Variants in TMEM214 observed in about 807,000 individuals in gnomAD.
TMEM214 encodes transmembrane protein 214.
Under a neutral mutation model 89.8 loss-of-function variants are expected in TMEM214, and 71 were observed. That is an observed-to-expected ratio of 0.79 (90% CI 0.65 to 0.96). The LOEUF is 0.96. Among genes scored for constraint, TMEM214 ranks in the 40% least tolerant of loss-of-function variants. The probability of loss-of-function intolerance (pLI) is 0.00; values close to 1 mark genes in which losing one functional copy is unlikely to be tolerated. For synonymous variants in TMEM214, 332 were observed against 349.5 expected (o/e 0.95, Z 0.56); for missense variants, 754 against 843.4 (o/e 0.89, Z 1.31).
At chr2:27,034,598 CCT>C (rs1667464350) in intron 2 of TMEM214, 2 of 245,714 alleles carry the variant, frequency 8.1e-6, no homozygotes, top group Non-Finnish European at 7.7e-6. Flanking sequence ...CCTCTGTTTT[CCT>C]CTTTTTTTTT....
chr2:27,038,181 C>G lies in TMEM214; in HGVS notation c.1188C>G (p.Asp396Glu), dbSNP rs1223375701. 6.2e-7 allele frequency: 1 copy of G among 1,614,190 alleles called. No homozygotes were observed. ...GCCTGACTGAGTGCCTGACGGTGGA[C>G]CCCCTCAGTGCCAGCGTCTGGAGGC... ...LSSLTECLTV[D>E]PLSASVWRQL... The change falls in exon 10 of 17, where the codon GAC (aspartate) becomes GAG (glutamate). Residue 396 changes from aspartate to glutamate, a missense_variant. Coordinates refer to ENST00000238788, the MANE Select transcript of TMEM214 (RefSeq NM_017727.5). The surrounding 1 kb of genome is among the most constrained non-coding windows in gnomAD (Gnocchi z 4.4).
rs1255219338 is a variant in TMEM214 at position 27,038,491 on chromosome 2, C to T, written c.1252C>T (p.Leu418=). 7 of 1,613,966 alleles carry T rather than the reference C, an allele frequency of 4.3e-6. No individual in the cohort carries two copies. In the African/African-American group the frequency reaches 9.3e-5, roughly 22 times the overall value. The change falls in exon 11 of 17, where the codon CTG becomes TTG. Residue 418 remains leucine, a synonymous_variant. Transcript: ENST00000238788. This position sits in a 1 kb window ranked among gnomAD's most constrained non-coding sequence, Gnocchi z 4.4. The stretch of plus-strand genomic sequence containing the variant: ...GTTGTGCTTTCCCCACAGCCTTCTG[C>T]TGGAGCACTTGCTCAGCTCCTGGGA... ...PKHLSQSSLL[L]EHLLSSWEQI... is the part of the protein sequence containing the mutation.
chr2:27,039,996 C>A (rs1402094253), intron 14 of TMEM214, 34 bp from the exon 15 acceptor site: 1 of 1,596,624 alleles, frequency 6.3e-7, no homozygotes, highest in East Asian at 2.2e-5. Context: ...TGAGGAGACT[C>A]AGAGCCCTCT....
At position 27,038,500 on chromosome 2, in the gene TMEM214, T is replaced by C; in HGVS notation, c.1261T>C (p.Leu421=). ...LSQSSLLLEH[L]LSSWEQIPKK... is the part of the protein sequence containing the mutation. ...TCCCCACAGCCTTCTGCTGGAGCAC[T>C]TGCTCAGCTCCTGGGAGCAGATTCC... The change falls in exon 11 of 17, where the codon TTG becomes CTG. Residue 421 remains leucine, a synonymous_variant. Transcript: ENST00000238788. This position sits in a 1 kb window ranked among gnomAD's most constrained non-coding sequence, Gnocchi z 4.4. 6.2e-7 allele frequency: 1 copy of C among 1,614,096 alleles called. No individual in the cohort carries two copies. Among genetic ancestry groups the C allele is most frequent in the Non-Finnish European group, 8.5e-7 (1 of 1,179,996 alleles).
Position 27,038,452 on chromosome 2 carries a change from C to T in TMEM214, c.1245-32C>T. The T allele has an allele frequency of 6.2e-7, 1 of 1,613,252 alleles. No individual in the cohort carries two copies. The highest frequency in any genetic ancestry group is 1.7e-5 in the Admixed American group (1 of 60,030). On this transcript the variant is annotated intron_variant, in intron 10 of 16. Transcript: ENST00000238788. This position sits in a 1 kb window ranked among gnomAD's most constrained non-coding sequence, Gnocchi z 4.4. ...GGAGGATGGGTGAGGCTGCGCGAGC[C>T]ACCTGACTAGGGGGTTGTGCTTTCC...
At chr2:27,039,024 G>A in intron 12 of TMEM214, 23 bp from the exon 13 acceptor site, 3 of 1,610,962 alleles carry the variant, frequency 1.9e-6, no homozygotes, top group South Asian at 2.2e-5. Flanking sequence ...TCTGACAACT[G>A]TCTCCTGCTC....
rs998177542 is a variant in TMEM214, at chr2:27,038,589, T to C, written c.1293+57T>C. On this transcript the variant is annotated intron_variant, in intron 11 of 16. Coordinates refer to ENST00000238788, the MANE Select transcript of TMEM214 (RefSeq NM_017727.5). This position sits in a 1 kb window ranked among gnomAD's most constrained non-coding sequence, Gnocchi z 4.4. ...CCCTGTCTGGATTCTAGGTTCTGAG[T>C]GGGGGCTCCTCAGCCACTGTCCCTT... The C allele has an allele frequency of 1.9e-6, 3 of 1,610,246 alleles. No individual in the cohort carries two copies. The highest frequency in any genetic ancestry group is 2.7e-5 in the African/African-American group (2 of 74,822).
Position 27,040,884 on chromosome 2 carries a change from G to C in TMEM214, c.*47G>C. 6.3e-7 allele frequency: 1 copy of C among 1,595,290 alleles called. No individual in the cohort carries two copies. The highest frequency in any genetic ancestry group is 2.3e-5 in the East Asian group (1 of 44,310). On this transcript the variant is annotated 3_prime_UTR_variant, in exon 17 of 17. Coordinates refer to ENST00000238788, the MANE Select transcript of TMEM214 (RefSeq NM_017727.5). Reference sequence around the variant, plus strand: ...ATTTCTGCATGGGTAGACCATCCAAGACTGCAGCGGGTAGAAGGTGGCAGT... The same window carrying C: ...ATTTCTGCATGGGTAGACCATCCAACACTGCAGCGGGTAGAAGGTGGCAGT...
At chr2:27,036,232 A>G (rs1667552096) in intron 5 of TMEM214, among the ~76,000 whole-genome samples, 180 bp downstream of exon 5, 1 of 152,228 alleles carries the variant, frequency 6.6e-6, no homozygotes, top group African/African-American at 2.4e-5. Flanking sequence ...AGGTACTGCT[A>G]TTATTTCCCA....
At chr2:27,035,365 A>C in intron 3 of TMEM214, 80 bp downstream of exon 3, 1 of 1,569,436 alleles carries the variant, frequency 6.4e-7, no homozygotes, top group Non-Finnish European at 8.7e-7. Flanking sequence ...CCAGTGCCCC[A>C]CACTGTCCTG....
rs1667624958 is a variant in TMEM214, at chr2:27,037,646, T to G, written c.1096T>G (p.Phe366Val). 1 of 1,614,150 alleles carries G rather than the reference T, an allele frequency of 6.2e-7. No individual in the cohort carries two copies. The change falls in exon 9 of 17, where the codon TTC (phenylalanine) becomes GTC (valine). Residue 366 changes from phenylalanine to valine, a missense_variant. Phe to Val is a conservative substitution (Grantham distance 50, BLOSUM62 -1). Transcript: ENST00000238788. ...GCCGGATTCCACCCTGCATACCTAC[T>G]TCCCTTCTTTCCTGTCCAGAGCCAC... ...AKPDSTLHTYFPSFLSRATPS... is the reference protein window; with the variant it reads ...AKPDSTLHTYVPSFLSRATPS...
chr2:27,037,445 A>C, intron 8 of TMEM214, 116 bp from the exon 9 acceptor site: 1 of 1,291,626 alleles, frequency 7.7e-7, no homozygotes. Context: ...GAGCCATTGC[A>C]AGGTCCTCAG....
At chr2:27,035,552 G>A in intron 3 of TMEM214, 42 bp from the exon 4 acceptor site, 2 of 1,611,154 alleles carry the variant, frequency 1.2e-6, no homozygotes, top group East Asian at 2.2e-5. Flanking sequence ...GAGCTGATGG[G>A]TGTCTGGTCC....
chr2:27,034,028 C>T, intron 1 of TMEM214, 39 bp from the exon 2 acceptor site: 1 of 1,610,668 alleles, frequency 6.2e-7, no homozygotes, highest in Non-Finnish European at 8.5e-7. Context: ...CTTGGGGACT[C>T]AAGGGTGGCC....
chr2:27,040,699 C>T lies in TMEM214; in HGVS notation c.1944-12C>T, dbSNP rs763792826. The T allele has an allele frequency of 1.2e-6, 2 of 1,613,286 alleles. No individual in the cohort carries two copies. Among genetic ancestry groups the T allele is most frequent in the East Asian group, 4.5e-5 (2 of 44,854 alleles). Reference sequence around the variant, plus strand: ...CACGTGCATACTCAAAAATGTTCCACTTTCCTTCCAGAGGTGAGGTGACCT... The same window carrying T: ...CACGTGCATACTCAAAAATGTTCCATTTTCCTTCCAGAGGTGAGGTGACCT... On this transcript the variant is annotated splice_polypyrimidine_tract_variant and intron_variant, in intron 16 of 16. Coordinates refer to ENST00000238788, the MANE Select transcript of TMEM214 (RefSeq NM_017727.5).
In TMEM214 at chr2:27,038,426, A is replaced by G. The variant is rs1310656816; in HGVS notation, c.1245-58A>G. 4 of 1,607,256 alleles carry G rather than the reference A, an allele frequency of 2.5e-6. No homozygotes were observed. The Admixed American group carries it at 6.7e-5, about 27-fold the overall frequency. On this transcript the variant is annotated intron_variant, in intron 10 of 16. Transcript: ENST00000238788. This position sits in a 1 kb window ranked among gnomAD's most constrained non-coding sequence, Gnocchi z 4.4. ...GAAGGAGCCAGGGCTAATGGAGGAC[A>G]GGAGGATGGGTGAGGCTGCGCGAGC... is the stretch of plus-strand genomic sequence containing the variant.
At chr2:27,033,245 G>C (rs1667409226) in intron 1 of TMEM214, 79 bp downstream of exon 1, 1 of 1,218,260 alleles carries the variant, frequency 8.2e-7, no homozygotes, top group East Asian at 3.2e-5. Context: ...GAACCTGGGC[G>C]CGAGCTCGCA....
chr2:27,037,579 T>C lies in TMEM214; in HGVS notation c.1029T>C (p.Cys343=). The C allele has an allele frequency of 1.9e-6, 3 of 1,614,154 alleles. No individual in the cohort carries two copies. The highest frequency in any genetic ancestry group is 2.5e-6 in the Non-Finnish European group (3 of 1,180,022). ...SLTPSLQEQL[C]QLYPRLKVLA... ...CACCCAGCCTGCAGGAGCAGCTGTG[T>C]CAGCTCTACCCCCGACTGAAAGTGC... The change falls in exon 9 of 17, where the codon TGT becomes TGC. Residue 343 remains cysteine (C), a synonymous_variant. Transcript: ENST00000238788.
chr2:27,040,405 C>CT lies in TMEM214; in HGVS notation c.1853dup (p.Leu619AlafsTer16). 1 of 1,614,276 alleles carries CT rather than the reference C, an allele frequency of 6.2e-7. No individual in the cohort carries two copies. ...ACTCCGCTATCTGAGAGAGCTGCCCCTGCTTTTCCACCAGAATGTGCTGCT... is the reference window on the plus strand; with the variant it reads ...ACTCCGCTATCTGAGAGAGCTGCCCCTTGCTTTTCCACCAGAATGTGCTGCT... On this transcript the variant is annotated frameshift_variant, in exon 16 of 17. Coordinates refer to ENST00000238788, the MANE Select transcript of TMEM214 (RefSeq NM_017727.5). LOFTEE classifies it high-confidence loss of function.
Sources: gnomAD v4.1 joint callset for allele counts (sites outside exome capture counted in the v4.1 genomes callset) on GRCh38, gnomAD v4.1.1 for gene constraint, Gnocchi (gnomAD v3.1) non-coding constraint, MANE v1.5 for transcripts, NCBI Gene and HGNC (gene_info 2026-07-23, HGNC 2026-07-21) for gene names.